Variants in DOCK7 observed in about 807,000 individuals in gnomAD.
The protein encoded by DOCK7 is dedicator of cytokinesis 7.
A neutral mutation model predicts 271.0 loss-of-function variants in DOCK7; 138 were observed. That is an observed-to-expected ratio of 0.51 (90% CI 0.44 to 0.59). DOCK7 has a LOEUF of 0.59. DOCK7 is among the 20% of genes least tolerant of loss of function. The pLI is 0.00. For missense variants in DOCK7, 2,066 were observed against 2,592.4 expected, an observed-to-expected ratio of 0.80 and a Z score of 4.41; for synonymous variants, 823 against 876.1, an observed-to-expected ratio of 0.94 and a Z score of 1.07.
intron 4 of DOCK7, among the ~76,000 whole-genome samples, chr1:62,650,273 A>T (rs554982915): frequency 6.6e-6 from 1 of 152,290 alleles, no homozygotes; most frequent in East Asian, 1.9e-4. Flanking sequence ...ATGAGGGTAG[A>T]GAGTTGGTTT....
chr1:62,621,150 G>A (rs1484302900), intron 12 of DOCK7, among the ~76,000 whole-genome samples: 1 of 151,892 alleles, frequency 6.6e-6, no homozygotes, highest in African/African-American at 2.4e-5. Flanking sequence ...GGAAGAAGAG[G>A]GAGGAAGGAT....
intron 49 of DOCK7, among the ~76,000 whole-genome samples, chr1:62,456,291 C>A (rs1645345608): frequency 6.6e-6 from 1 of 152,100 alleles, no homozygotes; most frequent in African/African-American, 2.4e-5. Context: ...ATTAAAAATT[C>A]AAATGCTAAA....
At chr1:62,670,481 T>A (rs1320308202) in intron 1 of DOCK7, among the ~76,000 whole-genome samples, 1 of 152,122 alleles carries the variant, frequency 6.6e-6, no homozygotes, top group African/African-American at 2.4e-5. Flanking sequence ...GCTGCTCTGG[T>A]GAGGACGTGG....
chr1:62,610,945 G>A (rs1399163567), intron 14 of DOCK7, among the ~76,000 whole-genome samples: 4 of 152,150 alleles, frequency 2.6e-5, no homozygotes, highest in Non-Finnish European at 4.4e-5. Context: ...CTTTATAGTA[G>A]AATGATTTAT....
At chr1:62,472,222 A>G (rs1222092290) in intron 48 of DOCK7, among the ~76,000 whole-genome samples, 1 of 151,990 alleles carries the variant, frequency 6.6e-6, no homozygotes, top group East Asian at 1.9e-4. Flanking sequence ...TCTCTGCCTC[A>G]GCCTCCCAAG....
chr1:62,568,467 ATTT>A (rs35786798), intron 18 of DOCK7, among the ~76,000 whole-genome samples: 14 of 140,484 alleles, frequency 1.0e-4, no homozygotes, highest in Admixed American at 2.1e-4. Flanking sequence ...TGCCAGGCTA[ATTT>A]TTTTTTTTTT....
chr1:62,661,664 G>C (rs1190417531), intron 2 of DOCK7, among the ~76,000 whole-genome samples: 2 of 152,088 alleles, frequency 1.3e-5, no homozygotes, highest in African/African-American at 4.8e-5. Flanking sequence ...AATTCAATGG[G>C]TTCATGGATT....
At chr1:62,642,902 T>C (rs949080642) in intron 7 of DOCK7, among the ~76,000 whole-genome samples, 4 of 152,244 alleles carry the variant, frequency 2.6e-5, no homozygotes, top group Non-Finnish European at 1.5e-5. Context: ...TGCAAATTCT[T>C]TGCAGATCCT....
chr1:62,504,523 A>G, intron 37 of DOCK7, 107 bp downstream of exon 37: 1 of 1,225,370 alleles, frequency 8.2e-7, no homozygotes, highest in East Asian at 2.5e-5. Flanking sequence ...TGATTAGACT[A>G]AAAATATACA....
chr1:62,482,185 A>G (rs1646146842), intron 43 of DOCK7: 1 of 152,174 alleles, frequency 6.6e-6, no homozygotes, highest in Admixed American at 6.5e-5. Context: ...ACCACTTTAC[A>G]TGTATTATAT....
In DOCK7 at chr1:62,578,838, A is replaced by G; in HGVS notation, c.2000T>C (p.Val667Ala). 1 of 1,603,290 alleles carries G rather than the reference A, an allele frequency of 6.2e-7. No homozygotes were observed. The highest frequency in any genetic ancestry group is 1.3e-5 in the African/African-American group (1 of 74,364). ...ACCAAAAGGACTCACTGTATATCCA[A>G]CTGGTGTTTCAAGAGGAGTATTTTG... Reference protein sequence around the residue: ...QKQNTPLETPVGYTWIPMLQN... With the variant: ...QKQNTPLETPAGYTWIPMLQN... The change falls in exon 17 of 50, where the codon GTT (valine) becomes GCT (alanine). Residue 667 changes from valine to alanine, a missense_variant. Transcript: ENST00000635253.
chr1:62,527,944 G>A (rs572382737), intron 31 of DOCK7, among the ~76,000 whole-genome samples: 9 of 151,726 alleles, frequency 5.9e-5, no homozygotes, highest in South Asian at 2.1e-4. Flanking sequence ...GACAGAATAC[G>A]GGGCTTTTTC....
chr1:62,574,275 A>C (rs1016627549), intron 18 of DOCK7, among the ~76,000 whole-genome samples: 1 of 152,216 alleles, frequency 6.6e-6, no homozygotes, highest in Non-Finnish European at 1.5e-5. Context: ...GGATTATACC[A>C]CTGAAAATGC....
At chr1:62,682,105 G>A (rs906413923) in intron 1 of DOCK7, among the ~76,000 whole-genome samples, 3 of 151,730 alleles carry the variant, frequency 2.0e-5, no homozygotes, top group Non-Finnish European at 2.9e-5. Flanking sequence ...CATTTGTGGA[G>A]GTACAGTGAA....
At chr1:62,457,833 G>C in intron 48 of DOCK7, 128 bp from the exon 49 acceptor site, 1 of 865,566 alleles carries the variant, frequency 1.2e-6, no homozygotes, top group Non-Finnish European at 1.8e-6. Flanking sequence ...CTATATATGT[G>C]GGCCTAATCA....
intron 22 of DOCK7, among the ~76,000 whole-genome samples, chr1:62,546,784 A>G (rs1645723620): frequency 6.6e-6 from 1 of 152,136 alleles, no homozygotes; most frequent in African/African-American, 2.4e-5. Context: ...TCCCATTACA[A>G]TATTTCGAAT....
intron 14 of DOCK7, among the ~76,000 whole-genome samples, chr1:62,592,078 T>C (rs1188672876): frequency 6.6e-6 from 1 of 152,182 alleles, no homozygotes; most frequent in African/African-American, 2.4e-5. Flanking sequence ...ATTTCCAATA[T>C]AAGCAATATA....
At chr1:62,565,128 A>G (rs7515054) in intron 18 of DOCK7, among the ~76,000 whole-genome samples, 149,095 of 152,260 alleles carry the variant, frequency 0.98, 73,083 homozygotes, top group Middle Eastern at 1. Flanking sequence ...GTGCAAAGAA[A>G]AGCTGGTACC....
chr1:62,517,855 T>A, intron 31 of DOCK7, among the ~76,000 whole-genome samples: 1 of 152,230 alleles, frequency 6.6e-6, no homozygotes, highest in East Asian at 1.9e-4. Flanking sequence ...CTCTTAGGTA[T>A]ATACCTTAGC....
Sources: gnomAD v4.1 joint callset for allele counts (sites outside exome capture counted in the v4.1 genomes callset) on GRCh38, gnomAD v4.1.1 for gene constraint, MANE v1.5 for transcripts, NCBI Gene and HGNC (gene_info 2026-07-23, HGNC 2026-07-21) for gene names.